Variants in HIVEP2 observed in about 807,000 individuals in gnomAD.
HIVEP2 encodes the protein HIVEP zinc finger 2.
A neutral mutation model predicts 180.7 loss-of-function variants in HIVEP2; 14 were observed. The ratio of observed to expected loss-of-function variants is 0.08; its 90% CI spans 0.05 to 0.12. The LOEUF is 0.12. Ranked by LOEUF, HIVEP2 falls within the 10% of genes least tolerant of loss-of-function variation. HIVEP2 has a pLI of 1.00. For synonymous variants in HIVEP2, 1,184 were observed against 1,136.4 expected, an observed-to-expected ratio of 1.04 and a Z score of -0.84; for missense variants, 2,579 against 3,008.5, an observed-to-expected ratio of 0.86 and a Z score of 3.34.
chr6:142,924,549 T>C (rs1000305396), intron 1 of HIVEP2, among the ~76,000 whole-genome samples: 3 of 152,226 alleles, frequency 2.0e-5, no homozygotes, highest in African/African-American at 7.2e-5. Flanking sequence ...CCAAGAAACA[T>C]AAACTTCTCA....
chr6:142,893,655 G>T (rs917818723), intron 1 of HIVEP2, among the ~76,000 whole-genome samples: 6 of 152,178 alleles, frequency 3.9e-5, no homozygotes, highest in Admixed American at 1.3e-4. Context: ...GAAATAGCCA[G>T]AGAAATGGCA....
At chr6:142,818,849 G>A (rs921341187) in intron 2 of HIVEP2, among the ~76,000 whole-genome samples, 4 of 151,430 alleles carry the variant, frequency 2.6e-5, no homozygotes, top group Non-Finnish European at 5.9e-5. Context: ...ATTAAAAAAT[G>A]CCCAGGAACC....
intron 9 of HIVEP2, among the ~76,000 whole-genome samples, chr6:142,756,136 C>T (rs1345995264): frequency 6.6e-6 from 1 of 152,144 alleles, no homozygotes; most frequent in Non-Finnish European, 1.5e-5. Flanking sequence ...AATGTACATA[C>T]ACAGATATCT....
In HIVEP2 at chr6:142,752,508, C is replaced by G. The variant is rs1178753513; in HGVS notation, c.*599G>C. ...GAATAAGATACTCTAGTTTAAATAT[C>G]TTGTTTACAATGTACATTTTTGTTC... On this transcript the variant is annotated 3_prime_UTR_variant, in exon 10 of 10. Coordinates refer to ENST00000367603, the MANE Select transcript of HIVEP2 (RefSeq NM_006734.4). The G allele has an allele frequency of 6.5e-6, 1 of 152,746 alleles. No homozygotes were observed. Among genetic ancestry groups the G allele is most frequent in the Non-Finnish European group, 1.5e-5 (1 of 68,206 alleles). The allele number at this position is 152,746 out of a possible 1,614,324, so 9.5% of individuals were successfully genotyped here.
At chr6:142,882,449 A>C (rs1261449973) in intron 1 of HIVEP2, among the ~76,000 whole-genome samples, 6 of 151,958 alleles carry the variant, frequency 3.9e-5, no homozygotes, top group Non-Finnish European at 8.8e-5. Flanking sequence ...TGTTTCCACA[A>C]AAAATAAATA....
chr6:142,774,146 C>G lies in HIVEP2; in HGVS notation c.593G>C (p.Cys198Ser). The G allele has an allele frequency of 6.2e-7, 1 of 1,614,164 alleles. No individual in the cohort carries two copies. Among genetic ancestry groups the G allele is most frequent in the Non-Finnish European group, 8.5e-7 (1 of 1,180,032 alleles). The change falls in exon 5 of 10, where the codon TGT becomes TCT. Residue 198 changes from cysteine (C) to serine (S), a missense_variant. This residue lies in a region of HIVEP2 where 26 missense variants were observed against 76.9 expected (regional missense o/e 0.34). Transcript: ENST00000367603. The surrounding 1 kb of genome is among the most constrained non-coding windows in gnomAD (Gnocchi z 5.1). ...KYICPYCSRACAKPSVLKKHI... is the reference protein window; with the variant it reads ...KYICPYCSRASAKPSVLKKHI... Reference sequence around the variant, plus strand: ...TTTTTTCAGTACACTAGGTTTGGCACACGCTCTGCTGCAGTAAGGGCAAAT... The same window carrying G: ...TTTTTTCAGTACACTAGGTTTGGCAGACGCTCTGCTGCAGTAAGGGCAAAT...
At chr6:142,805,221 G>A (rs1776516634) in intron 2 of HIVEP2, among the ~76,000 whole-genome samples, 1 of 152,112 alleles carries the variant, frequency 6.6e-6, no homozygotes. Flanking sequence ...AAGGAGCCAG[G>A]AGGGCCTGGT....
chr6:142,815,331 C>A (rs1350781342), intron 2 of HIVEP2, among the ~76,000 whole-genome samples: 1 of 152,012 alleles, frequency 6.6e-6, no homozygotes, highest in African/African-American at 2.4e-5. Flanking sequence ...GAGGAGTAAT[C>A]GGGCAAGTAG....
At chr6:142,912,664 T>C (rs1225091221) in intron 1 of HIVEP2, among the ~76,000 whole-genome samples, 2 of 152,222 alleles carry the variant, frequency 1.3e-5, no homozygotes, top group Admixed American at 1.3e-4. Flanking sequence ...TAGATTCTCA[T>C]AGGAGCGTGA....
At chr6:142,847,411 C>A (rs75293047) in intron 1 of HIVEP2, among the ~76,000 whole-genome samples, 1 of 149,852 alleles carries the variant, frequency 6.7e-6, no homozygotes, top group Non-Finnish European at 1.5e-5. Flanking sequence ...AAATATGAAG[C>A]CATGAAATGT....
chr6:142,901,973 A>C (rs1412859277), intron 1 of HIVEP2, among the ~76,000 whole-genome samples: 1 of 152,236 alleles, frequency 6.6e-6, no homozygotes, highest in Non-Finnish European at 1.5e-5. Context: ...CTTAAGAATT[A>C]GAAAATAGTT....
At chr6:142,854,103 G>A (rs1775758607) in intron 1 of HIVEP2, among the ~76,000 whole-genome samples, 2 of 152,116 alleles carry the variant, frequency 1.3e-5, no homozygotes, top group Admixed American at 6.5e-5. Flanking sequence ...ATAAAAACCC[G>A]GTTCAGGCTG....
intron 1 of HIVEP2, among the ~76,000 whole-genome samples, chr6:142,866,118 CA>C (rs5880553): frequency 0.44 from 66,154 of 151,934 alleles, 15,105 homozygotes; most frequent in South Asian, 0.57. Flanking sequence ...CAGCATGCTG[CA>C]ACTGGTGAAG....
chr6:142,941,279 T>C (rs567653653), intron 1 of HIVEP2, among the ~76,000 whole-genome samples: 254 of 152,310 alleles, frequency 1.7e-3, no homozygotes, highest in African/African-American at 5.6e-3. Context: ...CACGACGATT[T>C]TGGAGTTGTG....
chr6:142,752,609 G>A lies in HIVEP2; in HGVS notation c.*498C>T, dbSNP rs1774949228. The A allele has an allele frequency of 2.0e-5, 3 of 153,626 alleles. No individual in the cohort carries two copies. The highest frequency in any genetic ancestry group is 7.2e-5 in the African/African-American group (3 of 41,424). The allele number at this position is 153,626 out of a possible 1,614,324, so 9.5% of individuals were successfully genotyped here. A position where few individuals can be genotyped will look rare whatever the true frequency, so the allele number is the denominator to read the frequency against. On this transcript the variant is annotated 3_prime_UTR_variant, in exon 10 of 10. Coordinates refer to ENST00000367603, the MANE Select transcript of HIVEP2 (RefSeq NM_006734.4). ...CATTAAGAAAAAATGTACAATTTATGAAACAAAGTAAATAAATATTAGTAT... is the reference window on the plus strand; with the variant it reads ...CATTAAGAAAAAATGTACAATTTATAAAACAAAGTAAATAAATATTAGTAT...
rs183518544 is a variant in HIVEP2, at chr6:142,771,433, G to A, written c.3306C>T (p.Ser1102=). Residue 1102 remains serine, a synonymous_variant, in exon 5 of 10, where the codon AGC becomes AGT. Coordinates refer to ENST00000367603, the MANE Select transcript of HIVEP2 (RefSeq NM_006734.4). This position sits in a 1 kb window ranked among gnomAD's most constrained non-coding sequence, Gnocchi z 5.4. ...GGTGCTCCAGCTGCTCTTGCTTCAC[G>A]CTCTGATCCATGCCAACCTCGCCCT... is the stretch of plus-strand genomic sequence containing the variant. The part of the protein sequence containing the change: ...ISQGEVGMDQ[S]VKQEQLEHLH... 3.0e-4 allele frequency: 488 copies of A among 1,613,518 alleles called. 3 individuals carry two copies. In the Admixed American group the frequency reaches 6.1e-3, roughly 20 times the overall value.
intron 2 of HIVEP2, among the ~76,000 whole-genome samples, chr6:142,793,632 C>CCTTCTT: frequency 3.0e-5 from 1 of 32,936 alleles, no homozygotes; most frequent in Non-Finnish European, 5.7e-5. Flanking sequence ...CTCTTTCTTT[C>CCTTCTT]TTTCTTTCTT....
At chr6:142,875,711 A>G (rs1014247938) in intron 1 of HIVEP2, among the ~76,000 whole-genome samples, 2 of 152,162 alleles carry the variant, frequency 1.3e-5, no homozygotes, top group African/African-American at 2.4e-5. Flanking sequence ...AGCAACAAAC[A>G]TGGTTGATTT....
rs569738656 is a variant in HIVEP2, at chr6:142,772,852, A to C, written c.1887T>G (p.Ser629=). ...SSSSLKEKKL[S]PGDRVGYDYD... ...AGTCATACCCAACCCTGTCCCCAGG[A>C]GACAATTTCTTTTCCTTCAGGGATG... The change falls in exon 5 of 10, where the codon TCT becomes TCG. Residue 629 remains serine, a synonymous_variant. Coordinates refer to ENST00000367603, the MANE Select transcript of HIVEP2 (RefSeq NM_006734.4). The surrounding 1 kb of genome is among the most constrained non-coding windows in gnomAD (Gnocchi z 4.9). 17 of 1,614,192 alleles carry C rather than the reference A, an allele frequency of 1.1e-5. No individual in the cohort carries two copies. The East Asian group carries it at 3.8e-4, about 36-fold the overall frequency.
Sources: gnomAD v4.1 joint callset for allele counts (sites outside exome capture counted in the v4.1 genomes callset) on GRCh38, gnomAD v4.1.1 for gene constraint, gnomAD v4.1.1 regional missense constraint, Gnocchi (gnomAD v3.1) non-coding constraint, MANE v1.5 for transcripts, NCBI Gene and HGNC (gene_info 2026-07-23, HGNC 2026-07-21) for gene names.